Variants in LRRC7 observed in about 807,000 individuals in gnomAD.
LRRC7 encodes leucine rich repeat containing 7, also known as leucine-rich repeat-containing protein 7.
A neutral mutation model predicts 175.7 loss-of-function variants in LRRC7; 23 were observed. The ratio of observed to expected loss-of-function variants is 0.13; its 90% CI spans 0.09 to 0.19. The LOEUF (loss-of-function observed/expected upper bound fraction) is 0.19. LRRC7 is among the 10% of genes least tolerant of loss of function. The probability of loss-of-function intolerance (pLI) is 1.00; values close to 1 mark genes in which losing one functional copy is unlikely to be tolerated. For missense variants in LRRC7, 1,354 were observed against 1,904.7 expected, an observed-to-expected ratio of 0.71 and a Z score of 5.38; for synonymous variants, 685 against 680.9, an observed-to-expected ratio of 1.01 and a Z score of -0.09.
At position 69,886,287 on chromosome 1, in the gene LRRC7, G is replaced by A. The variant is rs545737696; in HGVS notation, c.648-45220G>A. 5.0e-3 allele frequency among the ~76,000 whole-genome samples: 752 copies of A among 151,796 alleles called. 1 individual carries two copies. The highest frequency in any genetic ancestry group is 0.011 in the African/African-American group (450 of 41,374). ...GTAGGTCACTCAGGACTTGCTTTAC[G>A]AATCTGGGTGCTCCTGTATTGGGTG... On this transcript the variant is annotated intron_variant, in intron 7 of 26. Coordinates refer to ENST00000651989, the MANE Select transcript of LRRC7 (RefSeq NM_001370785.2).
intron 26 of LRRC7, among the ~76,000 whole-genome samples, chr1:70,113,745 C>T (rs1435696056): frequency 6.6e-6 from 1 of 151,634 alleles, no homozygotes; most frequent in Non-Finnish European, 1.5e-5. Flanking sequence ...AAAAAGAGTT[C>T]ATGGTCAACT....
intron 4 of LRRC7, among the ~76,000 whole-genome samples, chr1:69,824,001 A>G (rs1434567823): frequency 1.3e-5 from 2 of 152,200 alleles, no homozygotes; most frequent in Non-Finnish European, 2.9e-5. Context: ...AAACAATATA[A>G]TACAAATTTT....
At chr1:69,924,655 C>G (rs1647003452) in intron 7 of LRRC7, among the ~76,000 whole-genome samples, 1 of 152,074 alleles carries the variant, frequency 6.6e-6, no homozygotes, top group Admixed American at 6.6e-5. Flanking sequence ...ATTTTATATC[C>G]TGAGACTTTG....
chr1:69,808,665 G>C (rs944670791), intron 4 of LRRC7, among the ~76,000 whole-genome samples: 7 of 152,160 alleles, frequency 4.6e-5, no homozygotes, highest in Middle Eastern at 3.4e-3. Context: ...AATGACTACT[G>C]GGTAAATAAT....
intron 18 of LRRC7, among the ~76,000 whole-genome samples, chr1:70,031,444 C>T (rs1362504248): frequency 6.6e-6 from 1 of 152,092 alleles, no homozygotes; most frequent in Admixed American, 6.5e-5. Context: ...ATGCCCACAG[C>T]GTCTCAGTGA....
chr1:69,724,819 T>C (rs1166104163), intron 2 of LRRC7, among the ~76,000 whole-genome samples: 2 of 152,192 alleles, frequency 1.3e-5, no homozygotes, highest in Non-Finnish European at 2.9e-5. Flanking sequence ...CATTTCACTG[T>C]ACTATAGGAA....
chr1:69,954,321 A>G (rs1029040426), intron 8 of LRRC7, among the ~76,000 whole-genome samples: 5 of 152,046 alleles, frequency 3.3e-5, no homozygotes, highest in African/African-American at 1.2e-4. Context: ...GAGGAATGAA[A>G]GATGAGGCTG....
chr1:70,059,474 A>AGTGT (rs10542055), intron 23 of LRRC7, among the ~76,000 whole-genome samples: 6,548 of 132,162 alleles, frequency 0.05, 199 homozygotes, highest in South Asian at 0.1. Context: ...ACTAGAAGAA[A>AGTGT]GTGTGTGTGT....
At chr1:69,581,098 G>A (rs1421145874) in intron 1 of LRRC7, among the ~76,000 whole-genome samples, 2 of 152,130 alleles carry the variant, frequency 1.3e-5, no homozygotes, top group East Asian at 1.9e-4. Context: ...AGGCAGACAT[G>A]AGCCAGACAT....
At chr1:69,955,547 A>G (rs1465737136) in intron 8 of LRRC7, among the ~76,000 whole-genome samples, 1 of 151,862 alleles carries the variant, frequency 6.6e-6, no homozygotes, top group Non-Finnish European at 1.5e-5. Flanking sequence ...TGTAAAGACA[A>G]CTCTTCGGGA....
chr1:69,616,500 G>A (rs932470610), intron 1 of LRRC7, among the ~76,000 whole-genome samples: 17 of 151,736 alleles, frequency 1.1e-4, no homozygotes, highest in African/African-American at 2.4e-4. Context: ...TCAAAGTTTC[G>A]GCAACCTTTT....
intron 2 of LRRC7, among the ~76,000 whole-genome samples, chr1:69,694,390 G>T (rs1460811441): frequency 6.6e-6 from 1 of 152,086 alleles, no homozygotes; most frequent in African/African-American, 2.4e-5. Context: ...CTCTGGACTT[G>T]TTATCCATAG....
intron 20 of LRRC7, among the ~76,000 whole-genome samples, chr1:70,037,235 A>G (rs1359053374): frequency 6.6e-6 from 1 of 152,236 alleles, no homozygotes; most frequent in Non-Finnish European, 1.5e-5. Flanking sequence ...TACACTACAA[A>G]TAGCAAATTA....
chr1:70,014,710 A>G (rs1656817507), intron 13 of LRRC7, among the ~76,000 whole-genome samples: 1 of 152,018 alleles, frequency 6.6e-6, no homozygotes, highest in East Asian at 1.9e-4. Context: ...TGTATTTAAA[A>G]TGTACTAGAT....
rs539278280 is a variant in LRRC7 at position 70,127,493 on chromosome 1, C to A, written c.*5606C>A. Among the ~76,000 whole-genome samples, 247 of 152,270 alleles carry A rather than the reference C, an allele frequency of 1.6e-3. No homozygotes were observed. Among genetic ancestry groups the A allele is most frequent in the Non-Finnish European group, 2.5e-3 (169 of 68,014 alleles). ...TGATTATGTCAACCTTCCCTAAGAA[C>A]AGTTCTATGGGAAGTAAGGAGAAAA... On this transcript the variant is annotated 3_prime_UTR_variant, in exon 27 of 27. Coordinates refer to ENST00000651989, the MANE Select transcript of LRRC7 (RefSeq NM_001370785.2).
At chr1:70,067,880 A>G (rs980932807) in intron 23 of LRRC7, among the ~76,000 whole-genome samples, 5 of 152,072 alleles carry the variant, frequency 3.3e-5, no homozygotes, top group African/African-American at 9.7e-5. Context: ...ATGATTATAC[A>G]TGGTATTGCA....
chr1:69,793,706 C>A (rs1675393993), intron 4 of LRRC7, among the ~76,000 whole-genome samples: 1 of 151,814 alleles, frequency 6.6e-6, no homozygotes, highest in African/African-American at 2.4e-5. Context: ...AATCTCCTTA[C>A]TAGAATTAAA....
intron 7 of LRRC7, among the ~76,000 whole-genome samples, chr1:69,918,713 A>C (rs2101728005): frequency 6.6e-6 from 1 of 152,338 alleles, no homozygotes; most frequent in South Asian, 2.1e-4. Flanking sequence ...AGACAACTTC[A>C]AAAGTGGAAA....
intron 7 of LRRC7, among the ~76,000 whole-genome samples, chr1:69,906,633 A>G (rs1331764443): frequency 6.6e-6 from 1 of 152,162 alleles, no homozygotes; most frequent in Non-Finnish European, 1.5e-5. Flanking sequence ...CTGTTTTGGT[A>G]CCAGTACCAT....
Sources: gnomAD v4.1 joint callset for allele counts (sites outside exome capture counted in the v4.1 genomes callset) on GRCh38, gnomAD v4.1.1 for gene constraint, MANE v1.5 for transcripts, NCBI Gene and HGNC (gene_info 2026-07-23, HGNC 2026-07-21) for gene names.